Variants in BOC observed in about 807,000 individuals in gnomAD.
BOC encodes brother of CDO.
BOC carries 76 observed loss-of-function variants against 112.0 expected under a neutral mutation model. The ratio of observed to expected loss-of-function variants is 0.68; its 90% confidence interval spans 0.56 to 0.82. The LOEUF is 0.82. BOC is among the 40% of genes least tolerant of loss of function. BOC has a pLI of 0.00. For synonymous variants in BOC, 580 were observed against 599.8 expected (o/e 0.97, Z 0.48); for missense variants, 1,309 against 1,511.7 (o/e 0.87, Z 2.22).
chr3:113,272,648 C>T lies in BOC; in HGVS notation c.906C>T (p.Asp302=), dbSNP rs1159398626. 3 of 1,613,968 alleles carry T rather than the reference C, an allele frequency of 1.9e-6. No homozygotes were observed. Among genetic ancestry groups the T allele is most frequent in the Non-Finnish European group, 2.5e-6 (3 of 1,179,996 alleles). The part of the protein sequence containing the change: ...EDSGTYRCMA[D]NGVGQPGAAV... ...CAGGCACCTACCGCTGCATGGCCGA[C>T]AATGGGGTTGGGCAGCCCGGGGCAG... The change falls in exon 7 of 20, where the codon GAC becomes GAT. Residue 302 remains aspartate (D), a synonymous_variant. Coordinates refer to ENST00000682979, the MANE Select transcript of BOC (RefSeq NM_001378074.1).
chr3:113,283,294 C>G (rs554723323), intron 15 of BOC, 117 bp from the exon 16 acceptor site: 2 of 1,009,380 alleles, frequency 2.0e-6, no homozygotes, highest in South Asian at 1.6e-5. Flanking sequence ...GAGGCCCAAT[C>G]TAGTGAGTCT....
rs752409001 is a variant in BOC at position 113,285,504 on chromosome 3, G to A, written c.3099G>A (p.Gly1033=). The change falls in exon 19 of 20, where the codon GGG becomes GGA. Residue 1033 remains glycine (G), a synonymous_variant. Transcript: ENST00000682979. ...QEQPAAVGQS[G]VRRAPDSPVL... is the part of the protein sequence containing the mutation. ...AGCCTGCTGCTGTGGGCCAGTCAGG[G>A]GTGAGGAGAGCCCCCGACAGTCCTG... The A allele has an allele frequency of 6.2e-7, 1 of 1,613,662 alleles. No individual in the cohort carries two copies. Among genetic ancestry groups the A allele is most frequent in the African/African-American group, 1.3e-5 (1 of 75,070 alleles).
In BOC at chr3:113,279,796, T is replaced by C. The variant is rs149350869; in HGVS notation, c.2024-28T>C. 5.0e-4 allele frequency: 787 copies of C among 1,575,248 alleles called. 1 individual carries two copies. Among genetic ancestry groups the C allele is most frequent in the Middle Eastern group, 1.7e-3 (10 of 5,878 alleles). On this transcript the variant is annotated intron_variant, in intron 12 of 19. Transcript: ENST00000682979. ...GAATCAGAAGGTATTTCCCAGCTCCTGAGTTCAGTGAGTGTCCCTCTCACC... is the reference window on the plus strand; with the variant it reads ...GAATCAGAAGGTATTTCCCAGCTCCCGAGTTCAGTGAGTGTCCCTCTCACC...
At position 113,245,710 on chromosome 3, in the gene BOC, C is replaced by T. The variant is rs940572805; in HGVS notation, c.-81-4012C>T. Among the ~76,000 whole-genome samples, 4 of 152,174 alleles carry T rather than the reference C, an allele frequency of 2.6e-5. No individual in the cohort carries two copies. In the East Asian group the frequency reaches 5.8e-4, roughly 22 times the overall value. The stretch of plus-strand genomic sequence containing the variant: ...AGCTAGTCCCTCTCTACCAATGGAA[C>T]AAAAGACTTTGTCAGATCGTATTCT... On this transcript the variant is annotated intron_variant, in intron 2 of 19. Transcript: ENST00000682979.
rs774403634 is a variant in BOC at position 113,272,444 on chromosome 3, C to G, written c.702C>G (p.Pro234=). The change falls in exon 7 of 20, where the codon CCC becomes CCG. Residue 234 remains proline (P), a synonymous_variant. Transcript: ENST00000682979. ...STAEAARIIY[P]PEAQTIIVTK... Reference sequence around the variant, plus strand: ...CTGAGGCTGCCCGCATCATCTACCCCCCAGAGGCCCAAACCATCATCGTCA... The same window carrying G: ...CTGAGGCTGCCCGCATCATCTACCCGCCAGAGGCCCAAACCATCATCGTCA... 9.3e-6 allele frequency: 15 copies of G among 1,613,996 alleles called. No homozygotes were observed. The highest frequency in any genetic ancestry group is 1.6e-4 in the Middle Eastern group (1 of 6,084).
intron 16 of BOC, 135 bp from the exon 17 acceptor site, chr3:113,284,200 T>C: frequency 2.8e-6 from 2 of 717,472 alleles, no homozygotes; most frequent in Non-Finnish European, 5.0e-6. Flanking sequence ...TCTCCATCGC[T>C]TGGGCACTGT....
At chr3:113,272,995 A>G (rs11717833) in intron 7 of BOC, 74 bp from the exon 8 acceptor site, 312,516 of 1,518,068 alleles carry the variant, frequency 0.21, 37,023 homozygotes, top group East Asian at 0.46. Context: ...GCTCCTAACT[A>G]CATCCCTCCC....
Position 113,278,174 on chromosome 3 carries a change from AC to A in BOC, c.1626del (p.Ser544AlafsTer82). 1 of 1,613,950 alleles carries A rather than the reference AC, an allele frequency of 6.2e-7. No homozygotes were observed. On this transcript the variant is annotated frameshift_variant, in exon 10 of 20. Coordinates refer to ENST00000682979, the MANE Select transcript of BOC (RefSeq NM_001378074.1). LOFTEE classifies it high-confidence loss of function. The surrounding 1 kb of genome is among the most constrained non-coding windows in gnomAD (Gnocchi z 4.2). ...NQHRLTLTRL[D>X]PGSLYEVEMA... ...CACCGCCTGACCCTCACCAGACTTGACCCCGGGAGCTTGTATGAAGTGGAGA... is the reference window on the plus strand; with the variant it reads ...CACCGCCTGACCCTCACCAGACTTGACCCGGGAGCTTGTATGAAGTGGAGA...
chr3:113,243,408 C>T (rs951422538), intron 2 of BOC, among the ~76,000 whole-genome samples: 3 of 152,164 alleles, frequency 2.0e-5, no homozygotes, highest in Non-Finnish European at 2.9e-5. Flanking sequence ...CCTAAATAGG[C>T]GTTCTGCCTT....
At chr3:113,269,452 C>A (rs1947866944) in intron 5 of BOC, 1 of 151,894 alleles carries the variant, frequency 6.6e-6, no homozygotes, top group African/African-American at 2.4e-5. Context: ...CTGCTTGAGT[C>A]CAGGAGGCTA....
At chr3:113,234,651 G>C (rs1465977362) in intron 2 of BOC, among the ~76,000 whole-genome samples, 1 of 152,192 alleles carries the variant, frequency 6.6e-6, no homozygotes, top group Non-Finnish European at 1.5e-5. Flanking sequence ...GTGGCACCTA[G>C]AGGGTGCTTA....
intron 4 of BOC, chr3:113,251,883 T>C (rs2107423854): frequency 6.6e-6 from 1 of 152,330 alleles, no homozygotes; most frequent in South Asian, 2.1e-4. Context: ...CTTGACATAG[T>C]CATAGCTGGA....
chr3:113,252,410 G>A (rs1232909231), intron 4 of BOC, among the ~76,000 whole-genome samples: 1 of 152,114 alleles, frequency 6.6e-6, no homozygotes, highest in East Asian at 1.9e-4. Flanking sequence ...GGAGGTTGGC[G>A]GTGCTACATC....
intron 9 of BOC, among the ~76,000 whole-genome samples, chr3:113,276,513 T>C (rs561168218): frequency 6.6e-6 from 1 of 152,338 alleles, no homozygotes; most frequent in African/African-American, 2.4e-5. Context: ...GCAGAAGTTC[T>C]GGCTTGAAAG....
intron 9 of BOC, among the ~76,000 whole-genome samples, chr3:113,276,766 G>A (rs556743847): frequency 3.9e-5 from 6 of 152,272 alleles, no homozygotes; most frequent in Admixed American, 1.3e-4. Flanking sequence ...TTGTAAAAAC[G>A]TCTCCCCTTG....
chr3:113,240,954 A>G (rs1944213165), intron 2 of BOC, among the ~76,000 whole-genome samples: 1 of 152,192 alleles, frequency 6.6e-6, no homozygotes, highest in African/African-American at 2.4e-5. Flanking sequence ...TGGCTGTGGC[A>G]GACCACACCT....
At chr3:113,272,249 C>A in intron 6 of BOC, 161 bp from the exon 7 acceptor site, 1 of 733,630 alleles carries the variant, frequency 1.4e-6, no homozygotes, top group Non-Finnish European at 2.3e-6. Context: ...GGACACCAAG[C>A]CCCAAGGGAA....
In BOC at chr3:113,233,148, G is replaced by GGTGTGTGTGTGTGTGT. The variant is rs59444901; in HGVS notation, c.-81-16541_-81-16526dup. On this transcript the variant is annotated intron_variant, in intron 2 of 19. Coordinates refer to ENST00000682979, the MANE Select transcript of BOC (RefSeq NM_001378074.1). ...CATGCATGAGCATGTAAAGGATTGG[G>GGTGTGTGTGTGTGTGT]GTGTGTGTGTGTGTGTGTGTGTGTG... Among the ~76,000 whole-genome samples the GGTGTGTGTGTGTGTGT allele has an allele frequency of 5.6e-4, 70 of 124,028 alleles. 1 individual carries two copies. The highest frequency in any genetic ancestry group is 1.3e-3 in the East Asian group (5 of 3,936). 81.4% of individuals were successfully genotyped at this position (124,028 alleles called of 152,430 possible).
chr3:113,236,497 G>A (rs929995487), intron 2 of BOC, among the ~76,000 whole-genome samples: 2 of 121,922 alleles, frequency 1.6e-5, no homozygotes, highest in Non-Finnish European at 3.2e-5. Flanking sequence ...TGGAATGATA[G>A]ACATTGGACA....
Sources: gnomAD v4.1 joint callset for allele counts (sites outside exome capture counted in the v4.1 genomes callset) on GRCh38, gnomAD v4.1.1 for gene constraint, Gnocchi (gnomAD v3.1) non-coding constraint, MANE v1.5 for transcripts, NCBI Gene and HGNC (gene_info 2026-07-23, HGNC 2026-07-21) for gene names.